The following KDM7A variants were observed in gnomAD, a reference collection of about 807,000 sequenced individuals.
KDM7A encodes lysine-specific demethylase 7A.
Under a neutral mutation model 114.8 loss-of-function variants are expected in KDM7A, and 28 were observed. That is an observed-to-expected ratio of 0.24 (90% CI 0.18 to 0.33). The LOEUF is 0.33. Among genes scored for constraint, KDM7A ranks in the 10% least tolerant of loss-of-function variants. The probability of loss-of-function intolerance (pLI) is 1.00; values close to 1 mark genes in which losing one functional copy is unlikely to be tolerated. For synonymous variants in KDM7A, 423 were observed against 397.8 expected (o/e 1.06, Z -0.75); for missense variants, 942 against 1,142.5 (o/e 0.82, Z 2.53).
chr7:140,137,071 G>A (rs1818883170), intron 2 of KDM7A, among the ~76,000 whole-genome samples: 1 of 152,154 alleles, frequency 6.6e-6, no homozygotes, highest in Admixed American at 6.5e-5. Flanking sequence ...AACCAAGTTG[G>A]GGATAGAAGG....
chr7:140,100,660 T>TTATATATATATATACACATATATATA (rs1818185145), intron 12 of KDM7A, among the ~76,000 whole-genome samples: 2 of 111,284 alleles, frequency 1.8e-5, no homozygotes, highest in East Asian at 2.5e-4. Flanking sequence ...TTTTAAAAAG[T>TTATATATATATATACACATATATATA]TATATATATA....
chr7:140,168,020 C>T (rs987445851), intron 1 of KDM7A, among the ~76,000 whole-genome samples: 1 of 152,116 alleles, frequency 6.6e-6, no homozygotes, highest in African/African-American at 2.4e-5. Flanking sequence ...AATGTTCAAA[C>T]TCATTTATAA....
At chr7:140,154,499 T>TAAAAAAAA (rs397974321) in intron 1 of KDM7A, among the ~76,000 whole-genome samples, 9 of 74,298 alleles carry the variant, frequency 1.2e-4, no homozygotes, top group East Asian at 6.8e-4. Context: ...CTCTTAAAAT[T>TAAAAAAAA]AAAAAAAAAA....
intron 1 of KDM7A, among the ~76,000 whole-genome samples, chr7:140,144,710 T>TACACACACAC (rs3030431): frequency 1.0e-4 from 15 of 146,414 alleles, no homozygotes; most frequent in Middle Eastern, 3.5e-3. Flanking sequence ...GTCCCCACCA[T>TACACACACAC]ACACACACAC....
At chr7:140,119,838 A>G (rs1818590751) in intron 8 of KDM7A, among the ~76,000 whole-genome samples, 1 of 152,200 alleles carries the variant, frequency 6.6e-6, no homozygotes. Flanking sequence ...GAGTTACCAC[A>G]TTCAGGCAAG....
chr7:140,101,237 C>G (rs767667833), intron 12 of KDM7A, among the ~76,000 whole-genome samples: 7 of 152,156 alleles, frequency 4.6e-5, no homozygotes, highest in Non-Finnish European at 8.8e-5. Context: ...TGCAAAGGCG[C>G]TACACTGATC....
At chr7:140,147,246 C>A (rs1478969617) in intron 1 of KDM7A, among the ~76,000 whole-genome samples, 1 of 151,982 alleles carries the variant, frequency 6.6e-6, no homozygotes, top group Non-Finnish European at 1.5e-5. Context: ...TTTAAGATTT[C>A]TCTCTCAATA....
chr7:140,092,260 C>T (rs1043940564), intron 18 of KDM7A, 183 bp from the exon 19 acceptor site: 16 of 610,594 alleles, frequency 2.6e-5, no homozygotes, highest in African/African-American at 1.6e-4. Flanking sequence ...CTGAAGGACT[C>T]GGGTCTTTAA....
intron 11 of KDM7A, among the ~76,000 whole-genome samples, chr7:140,104,376 T>C (rs775392398): frequency 2.0e-5 from 3 of 152,230 alleles, no homozygotes; most frequent in Admixed American, 2.0e-4. Flanking sequence ...CATGAAGTCA[T>C]AGCCCATGCC....
chr7:140,132,664 A>G (rs928453651), intron 3 of KDM7A, among the ~76,000 whole-genome samples: 49 of 152,260 alleles, frequency 3.2e-4, no homozygotes, highest in Admixed American at 2.9e-3. Context: ...ACGTGGAAAC[A>G]CTACATTTTA....
At chr7:140,097,725 C>T in intron 14 of KDM7A, 83 bp from the exon 15 acceptor site, 1 of 750,824 alleles carries the variant, frequency 1.3e-6, no homozygotes. Flanking sequence ...CTAAAGTCCA[C>T]CCAGCTTGTG....
At chr7:140,171,939 A>G (rs1794647522) in intron 1 of KDM7A, among the ~76,000 whole-genome samples, 1 of 152,128 alleles carries the variant, frequency 6.6e-6, no homozygotes, top group South Asian at 2.1e-4. Flanking sequence ...TTAGGTTGTT[A>G]CAGTTTGGGG....
At chr7:140,111,214 C>T in intron 10 of KDM7A, 30 bp from the exon 11 acceptor site, 1 of 1,436,058 alleles carries the variant, frequency 7.0e-7, no homozygotes, top group South Asian at 1.2e-5. Flanking sequence ...AATAAGAAAA[C>T]CAAAGTTATT....
rs183226675 is a variant in KDM7A at position 140,171,182 on chromosome 7, G to A, written c.194+5562C>T. Among the ~76,000 whole-genome samples the A allele has an allele frequency of 2.6e-5, 4 of 152,064 alleles. No individual in the cohort carries two copies. The East Asian group carries it at 5.8e-4, about 22-fold the overall frequency. ...ACCCAAGATCAAGATAAAGAATATG[G>A]CCGGGCGTGGTGGCTCATACCTATT... On this transcript the variant is annotated intron_variant, in intron 1 of 19. Coordinates refer to ENST00000397560, the MANE Select transcript of KDM7A (RefSeq NM_030647.2).
intron 1 of KDM7A, among the ~76,000 whole-genome samples, chr7:140,149,540 G>GAA (rs1171874446): frequency 3.3e-5 from 5 of 152,160 alleles, no homozygotes; most frequent in Admixed American, 6.5e-5. Context: ...GTCCTGTGGT[G>GAA]AAAAGGACAG....
intron 4 of KDM7A, 130 bp downstream of exon 4, chr7:140,129,363 G>C: frequency 1.4e-6 from 1 of 734,866 alleles, no homozygotes; most frequent in South Asian, 1.7e-5. Flanking sequence ...CAATATAGAT[G>C]ATACTGAGCC....
At chr7:140,112,427 T>C (rs1393553525) in intron 10 of KDM7A, among the ~76,000 whole-genome samples, 1 of 152,114 alleles carries the variant, frequency 6.6e-6, no homozygotes, top group Non-Finnish European at 1.5e-5. Context: ...CTGGCCAACA[T>C]GGCGAAACCT....
chr7:140,105,842 T>A (rs1275994816), intron 11 of KDM7A, among the ~76,000 whole-genome samples: 2 of 152,244 alleles, frequency 1.3e-5, no homozygotes, highest in Non-Finnish European at 2.9e-5. Context: ...TTCTATTGAT[T>A]GGAATAGTTT....
In KDM7A at chr7:140,176,731, G is replaced by A. The variant is rs770177765; in HGVS notation, c.194+13C>T. The A allele has an allele frequency of 4.6e-6, 6 of 1,308,662 alleles. No individual in the cohort carries two copies. The Admixed American group carries it at 1.1e-4, about 25-fold the overall frequency. The allele number at this position is 1,308,662 out of a possible 1,614,324, so 81.1% of individuals were successfully genotyped here. Reference sequence around the variant, plus strand: ...GGCGGTGGCGGCTGCGGGGCTGGAGGGGGTTTATTTACCTGCCGTGGAACC... The same window carrying A: ...GGCGGTGGCGGCTGCGGGGCTGGAGAGGGTTTATTTACCTGCCGTGGAACC... On this transcript the variant is annotated intron_variant, in intron 1 of 19. Transcript: ENST00000397560. This position sits in a 1 kb window ranked among gnomAD's most constrained non-coding sequence, Gnocchi z 4.4.
Sources: gnomAD v4.1 joint callset for allele counts (sites outside exome capture counted in the v4.1 genomes callset) on GRCh38, gnomAD v4.1.1 for gene constraint, Gnocchi (gnomAD v3.1) non-coding constraint, MANE v1.5 for transcripts, NCBI Gene and HGNC (gene_info 2026-07-23, HGNC 2026-07-21) for gene names.